Variants in NXPE2 observed in about 807,000 individuals in gnomAD.
The protein encoded by NXPE2 is neurexophilin and PC-esterase domain family member 2, also known as NXPE family member 2.
A neutral mutation model predicts 34.4 loss-of-function variants in NXPE2; 34 were observed. The ratio of observed to expected loss-of-function variants is 0.99; its 90% CI spans 0.75 to 1.31. The LOEUF is 1.31. Ranked by LOEUF, NXPE2 falls within the 40% of genes most tolerant of loss-of-function variation. The pLI, the probability that NXPE2 is intolerant of heterozygous loss-of-function variation, is 0.00. For synonymous variants in NXPE2, 235 were observed against 231.3 expected (o/e 1.02, Z -0.15); for missense variants, 649 against 672.5 (o/e 0.97, Z 0.39).
At chr11:114,601,762 T>TAATTATATATATA in the NXPE2 span, among the ~76,000 whole-genome samples, 1 of 70,768 alleles carries the variant, frequency 1.4e-5, no homozygotes, top group Non-Finnish European at 2.4e-5. Context: ...AATATATATG[T>TAATTATATATATA]GATTATATAT....
the NXPE2 span, among the ~76,000 whole-genome samples, chr11:114,575,605 A>C: frequency 6.6e-6 from 1 of 152,042 alleles, no homozygotes; most frequent in Non-Finnish European, 1.5e-5. Context: ...CTGTAAAATA[A>C]AATAAAATAA....
At chr11:114,601,884 T>TATACAATTATATATATTATATATAA in the NXPE2 span, among the ~76,000 whole-genome samples, 1 of 15,796 alleles carries the variant, frequency 6.3e-5, no homozygotes, top group Non-Finnish European at 8.5e-5. Context: ...TTATATATAA[T>TATACAATTATATATATTATATATAA]TATATATTAT....
At chr11:114,632,283 T>C in the NXPE2 span, among the ~76,000 whole-genome samples, 2 of 138,742 alleles carry the variant, frequency 1.4e-5, no homozygotes, top group African/African-American at 5.2e-5. Flanking sequence ...ATATACTATA[T>C]ATGTATATTA....
chr11:114,712,127 G>C, the NXPE2 span, among the ~76,000 whole-genome samples: 5 of 152,136 alleles, frequency 3.3e-5, no homozygotes, highest in Non-Finnish European at 7.4e-5. Flanking sequence ...AGACCTAAAT[G>C]TATCACTTCT....
chr11:114,618,021 T>G, the NXPE2 span, among the ~76,000 whole-genome samples: 1 of 151,982 alleles, frequency 6.6e-6, no homozygotes, highest in African/African-American at 2.4e-5. Context: ...CGCTGGATAA[T>G]AAGTGTTGCC....
chr11:114,744,401 C>T, the NXPE2 span, among the ~76,000 whole-genome samples: 603 of 152,102 alleles, frequency 4.0e-3, 5 homozygotes, highest in Non-Finnish European at 6.1e-3. Context: ...TAATATCTTA[C>T]CAGTTTAACA....
chr11:114,578,622 G>C, the NXPE2 span, among the ~76,000 whole-genome samples: 1 of 152,172 alleles, frequency 6.6e-6, no homozygotes, highest in East Asian at 1.9e-4. Context: ...TTCTAAGTTT[G>C]AGATCATGAG....
the NXPE2 span, among the ~76,000 whole-genome samples, chr11:114,735,593 A>C: frequency 6.6e-6 from 1 of 152,362 alleles, no homozygotes; most frequent in South Asian, 2.1e-4. Flanking sequence ...AGGAATCAAT[A>C]AATATTAGGT....
At chr11:114,637,976 C>T in the NXPE2 span, among the ~76,000 whole-genome samples, 10 of 151,444 alleles carry the variant, frequency 6.6e-5, no homozygotes, top group African/African-American at 1.2e-4. Flanking sequence ...ATCTTTGTGG[C>T]GTTCTCTGTA....
the NXPE2 span, chr11:114,594,886 A>G: frequency 1.7e-6 from 1 of 593,486 alleles, no homozygotes; most frequent in Admixed American, 3.1e-5. Context: ...CCTCAGATAA[A>G]TAACTCCCAG....
chr11:114,770,942 A>T, the NXPE2 span, among the ~76,000 whole-genome samples: 6,343 of 152,318 alleles, frequency 0.042, 189 homozygotes, highest in South Asian at 0.072. Flanking sequence ...CTGTACAATA[A>T]GGACCATGAT....
chr11:114,758,507 G>A, the NXPE2 span, among the ~76,000 whole-genome samples: 2 of 152,200 alleles, frequency 1.3e-5, no homozygotes, highest in African/African-American at 4.8e-5. Flanking sequence ...TTTGATCACA[G>A]GAGGAGACTG....
At chr11:114,589,821 C>T in the NXPE2 span, among the ~76,000 whole-genome samples, 17 of 152,260 alleles carry the variant, frequency 1.1e-4, no homozygotes, top group Non-Finnish European at 1.9e-4. Flanking sequence ...AACCCTGTAA[C>T]AGTCCCTACA....
chr11:114,609,834 C>A, the NXPE2 span, among the ~76,000 whole-genome samples: 1 of 151,528 alleles, frequency 6.6e-6, no homozygotes, highest in Non-Finnish European at 1.5e-5. Context: ...CCATGGTAAC[C>A]CGATGGATAA....
At chr11:114,639,103 G>A in the NXPE2 span, among the ~76,000 whole-genome samples, 20 of 152,076 alleles carry the variant, frequency 1.3e-4, no homozygotes, top group African/African-American at 4.8e-4. Context: ...CCCTCCTTGA[G>A]CTGTGGTGGG....
chr11:114,572,597 G>T, the NXPE2 span, among the ~76,000 whole-genome samples: 2 of 152,024 alleles, frequency 1.3e-5, no homozygotes, highest in Non-Finnish European at 2.9e-5. Flanking sequence ...CAATAGAATT[G>T]AACAAGCAGA....
At chr11:114,522,064 G>A in the NXPE2 span, 1 of 1,613,720 alleles carries the variant, frequency 6.2e-7, no homozygotes, top group Admixed American at 1.7e-5. Flanking sequence ...TCATGTCCCA[G>A]GCATCAATGA....
At chr11:114,582,472 G>A in the NXPE2 span, 1 of 1,614,146 alleles carries the variant, frequency 6.2e-7, no homozygotes, top group Non-Finnish European at 8.5e-7. Flanking sequence ...CATTCAGAGT[G>A]GACTTGGGAA....
chr11:114,716,527 G>A, the NXPE2 span, among the ~76,000 whole-genome samples: 1 of 152,264 alleles, frequency 6.6e-6, no homozygotes, highest in South Asian at 2.1e-4. Context: ...ATGTGCTTCT[G>A]GCATGGTGGG....
Sources: gnomAD v4.1 joint callset for allele counts (sites outside exome capture counted in the v4.1 genomes callset) on GRCh38, gnomAD v4.1.1 for gene constraint, MANE v1.5 for transcripts, NCBI Gene and HGNC (gene_info 2026-07-23, HGNC 2026-07-21) for gene names.